The following LMO7 variants were observed in gnomAD, a reference collection of about 807,000 sequenced individuals.
The protein encoded by LMO7 is LIM domain 7.
LMO7 carries 120 observed loss-of-function variants against 206.5 expected under a neutral mutation model. That is an observed-to-expected ratio of 0.58 (90% CI 0.50 to 0.68). The LOEUF (loss-of-function observed/expected upper bound fraction) is 0.68, where lower values mean the gene tolerates loss of function less well. Ranked by LOEUF, LMO7 falls within the 30% of genes least tolerant of loss-of-function variation. The pLI, the probability that LMO7 is intolerant of heterozygous loss-of-function variation, is 0.00. For synonymous variants in LMO7, 706 were observed against 681.5 expected (o/e 1.04, Z -0.56); for missense variants, 1,959 against 1,957.9 (o/e 1.00, Z -0.01).
chr13:75,798,236 G>A (rs2054282830), intron 6 of LMO7, among the ~76,000 whole-genome samples: 4 of 152,318 alleles, frequency 2.6e-5, no homozygotes, highest in African/African-American at 7.2e-5. Context: ...TGTGTGTGGT[G>A]ATACATGCCT....
Position 75,647,172 on chromosome 13 carries a change from G to A in LMO7, c.69+10446G>A, listed in dbSNP as rs1157978728. 2.6e-5 allele frequency among the ~76,000 whole-genome samples: 4 copies of A among 152,096 alleles called. No homozygotes were observed. In the East Asian group the frequency reaches 7.7e-4, roughly 29 times the overall value. ...CAAGGACTTATTTTGTTTTCAAGTCGTGAATAGTGCCAAGTATTTACTAGA... is the reference window on the plus strand; with the variant it reads ...CAAGGACTTATTTTGTTTTCAAGTCATGAATAGTGCCAAGTATTTACTAGA... On this transcript the variant is annotated intron_variant, in intron 1 of 30. Transcript: ENST00000377534.
chr13:75,715,398 G>T (rs1244125878), intron 2 of LMO7, among the ~76,000 whole-genome samples: 2 of 152,194 alleles, frequency 1.3e-5, no homozygotes, highest in African/African-American at 4.8e-5. Flanking sequence ...TTTTTAAAAA[G>T]TCACTTTAAT....
chr13:75,676,241 T>C (rs1387021429), intron 1 of LMO7, among the ~76,000 whole-genome samples: 1 of 152,194 alleles, frequency 6.6e-6, no homozygotes, highest in Non-Finnish European at 1.5e-5. Context: ...GTATAACATA[T>C]TAATTATTTA....
intron 4 of LMO7, among the ~76,000 whole-genome samples, chr13:75,775,889 A>T (rs2050304567): frequency 6.6e-6 from 1 of 151,730 alleles, no homozygotes. Context: ...TACAACCTCT[A>T]TGGAAAACAG....
chr13:75,786,037 G>A (rs2052368800), intron 4 of LMO7, among the ~76,000 whole-genome samples: 1 of 152,188 alleles, frequency 6.6e-6, no homozygotes, highest in African/African-American at 2.4e-5. Flanking sequence ...AATTGTGTGT[G>A]TGGCGTGAAT....
intron 29 of LMO7, 138 bp from the exon 30 acceptor site, chr13:75,856,368 C>T (rs2060948252): frequency 1.5e-5 from 9 of 587,566 alleles, no homozygotes; most frequent in Admixed American, 3.0e-5. Context: ...AATCATCTTT[C>T]GGCCTTTTTT....
chr13:75,681,872 T>G (rs1026818351), intron 1 of LMO7, among the ~76,000 whole-genome samples: 16 of 151,802 alleles, frequency 1.1e-4, no homozygotes, highest in African/African-American at 3.9e-4. Flanking sequence ...CTGAGTAGTA[T>G]TCCTTGCATG....
Position 75,828,952 on chromosome 13 carries a change from T to A in LMO7, c.2950-4099T>A, listed in dbSNP as rs373755590. Among the ~76,000 whole-genome samples, 168 of 152,210 alleles carry A rather than the reference T, an allele frequency of 1.1e-3. 1 individual carries two copies. The highest frequency in any genetic ancestry group is 7.1e-3 in the South Asian group (34 of 4,820). On this transcript the variant is annotated intron_variant, in intron 15 of 30. Coordinates refer to ENST00000377534, the MANE Select transcript of LMO7 (RefSeq NM_001306080.2). Reference sequence around the variant, plus strand: ...TAGGGGAAAGAAGGAGAAAGAGGCCTCGAAGGAATCCAGTGTTTCTAACGT... The same window carrying A: ...TAGGGGAAAGAAGGAGAAAGAGGCCACGAAGGAATCCAGTGTTTCTAACGT...
At chr13:75,760,350 A>C (rs771605104) in intron 3 of LMO7, 2 of 1,002,868 alleles carry the variant, frequency 2.0e-6, no homozygotes, top group Non-Finnish European at 2.4e-6. Flanking sequence ...TAGCCAATGA[A>C]CACTAGGTTT....
chr13:75,635,444 C>T (rs185371704), upstream of LMO7, among the ~76,000 whole-genome samples: 768 of 151,952 alleles, frequency 5.1e-3, 7 homozygotes, highest in African/African-American at 0.017. Context: ...CCGCCCCCAA[C>T]CCCCCGGCCC....
rs759176113 is a variant in LMO7, at chr13:75,803,113, G to T, written c.662-1176G>T. 4.8e-4 allele frequency among the ~76,000 whole-genome samples: 73 copies of T among 152,278 alleles called. 1 individual carries two copies. Among genetic ancestry groups the T allele is most frequent in the South Asian group, 1.5e-3 (7 of 4,818 alleles). ...CTGATTTTTTAGAAGGTGGTAAAAA[G>T]AAAGCACCAGTTTATTGACTACTAC... On this transcript the variant is annotated intron_variant, in intron 7 of 30. Coordinates refer to ENST00000377534, the MANE Select transcript of LMO7 (RefSeq NM_001306080.2).
At chr13:75,647,066 GGTGTGTGT>G (rs10617403) in intron 1 of LMO7, among the ~76,000 whole-genome samples, 1,538 of 151,008 alleles carry the variant, frequency 0.01, 32 homozygotes, top group African/African-American at 0.034. Flanking sequence ...TATATACATA[GGTGTGTGT>G]GTGTGTGTGT....
Position 75,756,418 on chromosome 13 carries a change from A to G in LMO7, c.211-4514A>G, listed in dbSNP as rs12876795. 7.5e-3 allele frequency among the ~76,000 whole-genome samples: 1,140 copies of G among 152,324 alleles called. 10 individuals are homozygous for G. Among genetic ancestry groups the G allele is most frequent in the Non-Finnish European group, 0.011 (773 of 68,036 alleles). ...ATTGCTATGGGTAGGGTAAAGAAGT[A>G]GATTGAAAAACCTACATAGCCACAA... On this transcript the variant is annotated intron_variant, in intron 3 of 30. Transcript: ENST00000377534.
intron 1 of LMO7, chr13:75,622,438 C>A (rs963533114): frequency 1.3e-5 from 2 of 152,194 alleles, no homozygotes; most frequent in African/African-American, 2.4e-5. Context: ...TTTCTGTGTC[C>A]ACTATTATTA....
At chr13:75,854,339 G>T (rs1259753643) in intron 28 of LMO7, among the ~76,000 whole-genome samples, 1 of 152,196 alleles carries the variant, frequency 6.6e-6, no homozygotes, top group African/African-American at 2.4e-5. Context: ...TATAAAGTGT[G>T]TATCAATGAG....
At chr13:75,636,840 C>G in intron 1 of LMO7, 114 bp downstream of exon 1, 3 of 1,025,164 alleles carry the variant, frequency 2.9e-6, no homozygotes, top group Admixed American at 4.2e-5. Flanking sequence ...GGCGACCCAG[C>G]CGACGTGAAC....
chr13:75,709,315 T>G (rs943768202), intron 1 of LMO7, among the ~76,000 whole-genome samples: 4 of 152,214 alleles, frequency 2.6e-5, no homozygotes, highest in Non-Finnish European at 4.4e-5. Context: ...ATATACCCAG[T>G]AATGGGATTG....
At chr13:75,680,361 G>A (rs1040495657) in intron 1 of LMO7, among the ~76,000 whole-genome samples, 3 of 152,174 alleles carry the variant, frequency 2.0e-5, no homozygotes, top group African/African-American at 7.2e-5. Context: ...GTGAACATAT[G>A]TGTGCATGTA....
chr13:75,829,503 C>A (rs931599525), intron 15 of LMO7, among the ~76,000 whole-genome samples: 1 of 151,954 alleles, frequency 6.6e-6, no homozygotes, highest in Non-Finnish European at 1.5e-5. Context: ...CCAGTAAGAC[C>A]CAGAAAGAAA....
Sources: allele counts gnomAD v4.1 joint callset (sites outside exome capture counted in the v4.1 genomes callset), GRCh38; gene constraint gnomAD v4.1.1; transcripts MANE v1.5; gene names NCBI Gene and HGNC (gene_info 2026-07-23, HGNC 2026-07-21).